Variants in ADK observed in about 807,000 individuals in gnomAD.
ADK encodes N6,N6-dimethyladenosine kinase.
Under a neutral mutation model 44.7 loss-of-function variants are expected in ADK, and 24 were observed. The observed-to-expected ratio is 0.54, with a 90% CI of 0.39 to 0.76. The LOEUF (loss-of-function observed/expected upper bound fraction) is 0.76. Ranked by LOEUF, ADK falls within the 30% of genes least tolerant of loss-of-function variation. ADK has a pLI of 0.00. For missense variants in ADK, 321 were observed against 425.1 expected (o/e 0.76, Z 2.15); for synonymous variants, 128 against 142.6 (o/e 0.90, Z 0.73).
rs1007541312 is a variant in ADK at position 74,292,747 on chromosome 10, A to C, written c.195-21920A>C. 2.0e-5 allele frequency among the ~76,000 whole-genome samples: 3 copies of C among 152,054 alleles called. No homozygotes were observed. In the East Asian group the frequency reaches 5.8e-4, roughly 29 times the overall value. On this transcript the variant is annotated intron_variant, in intron 3 of 10. Transcript: ENST00000539909. ...GCACCACTTGTGAAATATATCCTGA[A>C]ATCTGATCACTTATACCATCTAAAT...
At chr10:74,390,055 C>T (rs910321705) in intron 4 of ADK, among the ~76,000 whole-genome samples, 38 of 152,052 alleles carry the variant, frequency 2.5e-4, no homozygotes, top group African/African-American at 7.2e-4. Flanking sequence ...TTGCTATTGG[C>T]TCTGGGTTTT....
chr10:74,665,441 T>C (rs114707558), intron 9 of ADK, among the ~76,000 whole-genome samples: 2,648 of 152,146 alleles, frequency 0.017, 68 homozygotes, highest in African/African-American at 0.061. Context: ...GAATTTTACC[T>C]TGAGGTTGAA....
At chr10:74,453,461 G>C (rs1845843924) in intron 6 of ADK, among the ~76,000 whole-genome samples, 2 of 152,022 alleles carry the variant, frequency 1.3e-5, no homozygotes, top group African/African-American at 2.4e-5. Flanking sequence ...TTGAGGCCAG[G>C]GGTCTCTTAT....
At chr10:74,567,774 C>A (rs1850737703) in intron 7 of ADK, among the ~76,000 whole-genome samples, 1 of 149,424 alleles carries the variant, frequency 6.7e-6, no homozygotes, top group Non-Finnish European at 1.5e-5. Context: ...TCTCAGCTCA[C>A]TGCAACCTCC....
intron 3 of ADK, among the ~76,000 whole-genome samples, chr10:74,261,654 A>C (rs78691835): frequency 2.0e-5 from 3 of 152,212 alleles, no homozygotes; most frequent in Non-Finnish European, 4.4e-5. Flanking sequence ...CAGATTGAAA[A>C]TAATTATTCC....
intron 1 of ADK, among the ~76,000 whole-genome samples, chr10:74,164,408 C>T (rs868172953): frequency 2.6e-4 from 39 of 151,678 alleles, no homozygotes; most frequent in African/African-American, 6.5e-4. Flanking sequence ...TGGTGGTGGG[C>T]GCCTGTAATC....
intron 6 of ADK, among the ~76,000 whole-genome samples, chr10:74,434,863 C>T (rs188147967): frequency 3.5e-4 from 54 of 152,280 alleles, no homozygotes; most frequent in African/African-American, 1.2e-3. Flanking sequence ...TCCTGGTGCA[C>T]GATCATCAGA....
At chr10:74,602,423 T>C (rs1007610290) in intron 9 of ADK, among the ~76,000 whole-genome samples, 2 of 152,216 alleles carry the variant, frequency 1.3e-5, no homozygotes, top group East Asian at 3.8e-4. Flanking sequence ...TTGCTCTTTG[T>C]GGAGACATTC....
intron 6 of ADK, among the ~76,000 whole-genome samples, chr10:74,425,356 A>G (rs1844752409): frequency 6.6e-6 from 1 of 152,176 alleles, no homozygotes; most frequent in Non-Finnish European, 1.5e-5. Flanking sequence ...ACATCATTCT[A>G]TTCAACTCTT....
chr10:74,298,129 T>C (rs1014759127), intron 3 of ADK, among the ~76,000 whole-genome samples: 1 of 152,196 alleles, frequency 6.6e-6, no homozygotes, highest in African/African-American at 2.4e-5. Context: ...AGAAATAGAA[T>C]ATATATTGCC....
chr10:74,469,930 T>C (rs1846501529), intron 6 of ADK, among the ~76,000 whole-genome samples: 1 of 152,148 alleles, frequency 6.6e-6, no homozygotes, highest in Non-Finnish European at 1.5e-5. Flanking sequence ...CTTACCATGA[T>C]GTCCTCAAGG....
chr10:74,389,531 C>G (rs886454137), intron 4 of ADK, among the ~76,000 whole-genome samples: 29 of 150,414 alleles, frequency 1.9e-4, no homozygotes, highest in African/African-American at 6.8e-4. Context: ...ATTATAACAT[C>G]TTTACTGAGA....
intron 6 of ADK, among the ~76,000 whole-genome samples, chr10:74,518,500 C>G (rs992585950): frequency 7.2e-5 from 11 of 152,192 alleles, no homozygotes; most frequent in African/African-American, 2.4e-4. Context: ...ATGATCTACT[C>G]TTACTCCTGT....
intron 3 of ADK, among the ~76,000 whole-genome samples, chr10:74,292,602 C>T (rs1293308004): frequency 1.3e-5 from 2 of 152,156 alleles, no homozygotes; most frequent in African/African-American, 4.8e-5. Flanking sequence ...CTGCAGCCCT[C>T]TCTATTTCAC....
chr10:74,435,502 G>GA (rs1468117426), intron 6 of ADK, among the ~76,000 whole-genome samples: 4 of 151,982 alleles, frequency 2.6e-5, no homozygotes, highest in Non-Finnish European at 4.4e-5. Context: ...AATAAAGGCA[G>GA]AAAAAAATAC....
intron 3 of ADK, among the ~76,000 whole-genome samples, chr10:74,233,617 C>G (rs1017713367): frequency 3.3e-5 from 5 of 152,206 alleles, no homozygotes; most frequent in African/African-American, 1.2e-4. Flanking sequence ...TGTACTCCTT[C>G]TTGACATAGT....
chr10:74,343,292 T>G (rs1166988175), intron 4 of ADK, among the ~76,000 whole-genome samples: 1 of 152,202 alleles, frequency 6.6e-6, no homozygotes, highest in Non-Finnish European at 1.5e-5. Context: ...ACTTGTCAAT[T>G]AATAGCCTAC....
chr10:74,256,726 C>T (rs1228641844), intron 3 of ADK, among the ~76,000 whole-genome samples: 2 of 152,228 alleles, frequency 1.3e-5, no homozygotes, highest in Middle Eastern at 3.4e-3. Context: ...TTATGATGAA[C>T]AGCTAGTGTA....
intron 3 of ADK, among the ~76,000 whole-genome samples, chr10:74,313,120 A>G (rs1048573320): frequency 2.0e-5 from 3 of 151,762 alleles, no homozygotes; most frequent in Non-Finnish European, 2.9e-5. Flanking sequence ...TTATTGATTG[A>G]CTTTATGACT....
Sources: allele counts gnomAD v4.1 joint callset (sites outside exome capture counted in the v4.1 genomes callset), GRCh38; gene constraint gnomAD v4.1.1; transcripts MANE v1.5; gene names NCBI Gene and HGNC (gene_info 2026-07-23, HGNC 2026-07-21).